The following LTBP2 variants were observed in gnomAD, a reference collection of about 807,000 sequenced individuals.
The protein encoded by LTBP2 is latent transforming growth factor beta binding protein 2.
LTBP2 carries 103 observed loss-of-function variants against 210.6 expected under a neutral mutation model. The ratio of observed to expected loss-of-function variants is 0.49; its 90% CI spans 0.42 to 0.58. The LOEUF (loss-of-function observed/expected upper bound fraction) is 0.58. Among genes scored for constraint, LTBP2 ranks in the 20% least tolerant of loss-of-function variants. The probability of loss-of-function intolerance (pLI) is 0.00; values close to 1 mark genes in which losing one functional copy is unlikely to be tolerated. For missense variants in LTBP2, 2,313 were observed against 2,494.5 expected (o/e 0.93, Z 1.55); for synonymous variants, 1,007 against 1,015.0 (o/e 0.99, Z 0.15).
chr14:74,553,580 T>C (rs554044919), intron 4 of LTBP2, among the ~76,000 whole-genome samples: 15 of 152,146 alleles, frequency 9.9e-5, no homozygotes, highest in Non-Finnish European at 2.2e-4. Context: ...GTGGGGGACC[T>C]GATTACCAGA....
In LTBP2 at chr14:74,506,888, C is replaced by T. The variant is rs967571467; in HGVS notation, c.3908-65G>A. On this transcript the variant is annotated intron_variant, in intron 26 of 35. Coordinates refer to ENST00000261978, the MANE Select transcript of LTBP2 (RefSeq NM_000428.3). ...GTGTGTGTGTGTGTGTGCGCGCGCG[C>T]GTGTGTGCTCACTCTCTCACACGCA... 1.6e-4 allele frequency: 228 copies of T among 1,404,012 alleles called. 1 individual carries two copies. In the African/African-American group the frequency reaches 1.8e-3, roughly 11 times the overall value. The allele number at this position is 1,404,012 out of a possible 1,614,324, so 87.0% of individuals were successfully genotyped here.
intron 8 of LTBP2, among the ~76,000 whole-genome samples, chr14:74,540,344 G>A (rs1345269029): frequency 6.6e-6 from 1 of 151,926 alleles, no homozygotes; most frequent in Non-Finnish European, 1.5e-5. Context: ...GTGGTGGCAT[G>A]AGCCTGTGGT....
chr14:74,567,504 G>A (rs2087920312), intron 3 of LTBP2, among the ~76,000 whole-genome samples: 1 of 152,132 alleles, frequency 6.6e-6, no homozygotes, highest in Non-Finnish European at 1.5e-5. Context: ...CAGGGCTCCA[G>A]GAAATGCCCC....
intron 2 of LTBP2, among the ~76,000 whole-genome samples, chr14:74,595,605 C>T (rs61980917): frequency 0.085 from 12,925 of 152,220 alleles, 657 homozygotes; most frequent in Middle Eastern, 0.14. Context: ...ACCAGCCCCG[C>T]GCCCAGGCCC....
chr14:74,571,461 G>C (rs184279278), intron 3 of LTBP2, among the ~76,000 whole-genome samples: 1 of 152,304 alleles, frequency 6.6e-6, no homozygotes, highest in East Asian at 1.9e-4. Flanking sequence ...GCCTACAGAT[G>C]AGAACACTGA....
intron 12 of LTBP2, among the ~76,000 whole-genome samples, chr14:74,528,060 C>T (rs984092106): frequency 6.6e-6 from 1 of 152,188 alleles, no homozygotes; most frequent in Non-Finnish European, 1.5e-5. Flanking sequence ...GGTCCAAGGC[C>T]GTTGAGCTGG....
rs150855472 is a variant in LTBP2 at position 74,509,818 on chromosome 14, G to A, written c.3193C>T (p.Leu1065Phe). 117 of 1,613,962 alleles carry A rather than the reference G, an allele frequency of 7.2e-5. No individual in the cohort carries two copies. The highest frequency in any genetic ancestry group is 9.5e-5 in the Non-Finnish European group (112 of 1,180,030). ...CASRASCPTGLCLNTEGSFAC... is the reference protein window; with the variant it reads ...CASRASCPTGFCLNTEGSFAC... ...AAGGAGCCCTCCGTGTTGAGGCAGA[G>A]GCCTGTGGGGCATGAGGCCCGGCTG... is the stretch of plus-strand genomic sequence containing the variant. Residue 1065 changes from leucine (L) to phenylalanine (F), a missense_variant, in exon 21 of 36, where the codon CTC (leucine) becomes TTC (phenylalanine). By Grantham distance (22) the Leu-to-Phe change is conservative. Coordinates refer to ENST00000261978, the MANE Select transcript of LTBP2 (RefSeq NM_000428.3).
At chr14:74,596,931 AT>A (rs2088373924) in intron 2 of LTBP2, among the ~76,000 whole-genome samples, 3 of 147,170 alleles carry the variant, frequency 2.0e-5, no homozygotes, top group Admixed American at 2.0e-4. Flanking sequence ...CAGGCAGCAG[AT>A]GTGAAAGACT....
rs755876557 is a variant in LTBP2 at position 74,528,555 on chromosome 14, C to T, written c.2296G>A (p.Gly766Arg). 22 of 1,613,038 alleles carry T rather than the reference C, an allele frequency of 1.4e-5. No individual in the cohort carries two copies. The highest frequency in any genetic ancestry group is 4.5e-5 in the East Asian group (2 of 44,906). Residue 766 changes from glycine (G) to arginine (R), a missense_variant, in exon 12 of 36, where the codon GGG becomes AGG. Around this residue, in one of 3 missense-constraint regions of LTBP2, gnomAD observed 1,867 missense variants for 1,976.9 expected, o/e 0.94. Transcript: ENST00000261978. The part of the protein sequence containing the change: ...QGQRSSGALP[G>R]PAERQPLRVV... ...CGGAGGGGCTGCCTCTCTGCTGGCC[C>T]GGGCAGTGCCCCGCTGCTCCTCTGC...
At position 74,612,005 on chromosome 14, in the gene LTBP2, G is replaced by C. The variant is rs1427743870; in HGVS notation, c.-61C>G. On this transcript the variant is annotated 5_prime_UTR_variant, in exon 1 of 36. Transcript: ENST00000261978. ...CCGCGAAGAGCTTTGTGGTCGGCAC[G>C]CTGGACGCCCGCGGGCTGTTCTCCC... 1.4e-6 allele frequency: 2 copies of C among 1,444,636 alleles called. No homozygotes were observed. The highest frequency in any genetic ancestry group is 1.8e-6 in the Non-Finnish European group (2 of 1,106,138). The allele number at this position is 1,444,636 out of a possible 1,614,324, so 89.5% of individuals were successfully genotyped here.
At position 74,529,111 on chromosome 14, in the gene LTBP2, T is replaced by C. The variant is rs137854859; in HGVS notation, c.1999A>G (p.Ile667Val). ...TAGCACAGTCCCTGCAGCATGGAGA[T>C]TGCCTTGTCCGCTGCAACAGACACA... The part of the protein sequence containing the change: ...SRSRCVSDKA[I>V]SMLQGLCYRS... The change falls in exon 11 of 36, where the codon ATC becomes GTC. Residue 667 changes from isoleucine (I) to valine (V), a missense_variant. Transcript: ENST00000261978. 6 of 1,551,922 alleles carry C rather than the reference T, an allele frequency of 3.9e-6. No homozygotes were observed. Among genetic ancestry groups the C allele is most frequent in the South Asian group, 3.6e-5 (3 of 84,136 alleles).
chr14:74,602,650 T>C (rs1329005380), intron 2 of LTBP2, among the ~76,000 whole-genome samples: 3 of 152,248 alleles, frequency 2.0e-5, no homozygotes, highest in African/African-American at 7.2e-5. Flanking sequence ...GTGAGTGCTA[T>C]GAAGGTACTG....
chr14:74,512,369 G>A (rs1566617721), intron 18 of LTBP2, among the ~76,000 whole-genome samples: 1 of 152,228 alleles, frequency 6.6e-6, no homozygotes, highest in Non-Finnish European at 1.5e-5. Flanking sequence ...AAGTCCACCA[G>A]CTTATGCATA....
At chr14:74,506,888 C>CGCGT in intron 26 of LTBP2, 65 bp from the exon 27 acceptor site, 1 of 1,404,508 alleles carries the variant, frequency 7.1e-7, no homozygotes, top group South Asian at 1.2e-5. Context: ...TGCGCGCGCG[C>CGCGT]GTGTGTGCTC....
intron 8 of LTBP2, among the ~76,000 whole-genome samples, chr14:74,544,815 C>T (rs1285908339): frequency 6.6e-6 from 1 of 152,174 alleles, no homozygotes; most frequent in African/African-American, 2.4e-5. Flanking sequence ...TACTTTTAGG[C>T]ACAACCCATT....
In LTBP2 at chr14:74,557,033, G is replaced by A. The variant is rs187859066; in HGVS notation, c.831-1340C>T. Among the ~76,000 whole-genome samples, 125 of 152,162 alleles carry A rather than the reference G, an allele frequency of 8.2e-4. 1 individual carries two copies. Among genetic ancestry groups the A allele is most frequent in the African/African-American group, 1.5e-3 (64 of 41,530 alleles). Reference sequence around the variant, plus strand: ...TCCCAGCACTTTGGGAGGTCCATGCGGGCAGATCACTTGAGGCCAGGAGTT... The same window carrying A: ...TCCCAGCACTTTGGGAGGTCCATGCAGGCAGATCACTTGAGGCCAGGAGTT... On this transcript the variant is annotated intron_variant, in intron 3 of 35. Transcript: ENST00000261978.
At chr14:74,569,534 C>G (rs1011578915) in intron 3 of LTBP2, among the ~76,000 whole-genome samples, 1 of 152,154 alleles carries the variant, frequency 6.6e-6, no homozygotes, top group Non-Finnish European at 1.5e-5. Flanking sequence ...TAGAACAGGG[C>G]ATCTGCTCAT....
chr14:74,582,506 C>T (rs1310058820), intron 3 of LTBP2, among the ~76,000 whole-genome samples: 1 of 151,966 alleles, frequency 6.6e-6, no homozygotes, highest in Non-Finnish European at 1.5e-5. Flanking sequence ...AGATCCTGCC[C>T]ATTGACAGCT....
At chr14:74,505,837 C>G (rs768805699) in intron 28 of LTBP2, among the ~76,000 whole-genome samples, 1 of 152,156 alleles carries the variant, frequency 6.6e-6, no homozygotes, top group Non-Finnish European at 1.5e-5. Flanking sequence ...CCTCTAGGAT[C>G]GTCGCCACCC....
Sources: allele counts gnomAD v4.1 joint callset (sites outside exome capture counted in the v4.1 genomes callset), GRCh38; gene constraint gnomAD v4.1.1; regional missense constraint gnomAD v4.1.1; transcripts MANE v1.5; gene names NCBI Gene and HGNC (gene_info 2026-07-23, HGNC 2026-07-21).